The following CACNA1A variants were observed in gnomAD, a reference collection of about 807,000 sequenced individuals.
CACNA1A encodes calcium voltage-gated channel subunit alpha1 A.
Under a neutral mutation model 262.4 loss-of-function variants are expected in CACNA1A, and 57 were observed. That is an observed-to-expected ratio of 0.22 (90% CI 0.18 to 0.27). The LOEUF (loss-of-function observed/expected upper bound fraction) is 0.27, where lower values mean the gene tolerates loss of function less well. CACNA1A is among the 10% of genes least tolerant of loss of function. CACNA1A has a pLI of 1.00. For missense variants in CACNA1A, 2,526 were observed against 3,562.8 expected, an observed-to-expected ratio of 0.71 and a Z score of 7.41; for synonymous variants, 1,431 against 1,419.3, an observed-to-expected ratio of 1.01 and a Z score of -0.18.
chr19:13,421,308 C>T (rs1652405302), intron 3 of CACNA1A, among the ~76,000 whole-genome samples: 1 of 151,858 alleles, frequency 6.6e-6, no homozygotes, highest in South Asian at 2.1e-4. Context: ...GGCAGCATAC[C>T]TTTGCTACAT....
intron 3 of CACNA1A, among the ~76,000 whole-genome samples, chr19:13,382,691 T>C (rs773035993): frequency 6.6e-6 from 1 of 151,912 alleles, no homozygotes; most frequent in Non-Finnish European, 1.5e-5. Context: ...AGATTGGTGG[T>C]GATGGAGCAG....
Position 13,207,196 on chromosome 19 carries a change from C to G in CACNA1A, c.*117G>C. 4.4e-6 allele frequency: 5 copies of G among 1,147,098 alleles called. No homozygotes were observed. The highest frequency in any genetic ancestry group is 4.6e-6 in the Non-Finnish European group (4 of 864,718). 71.1% of individuals were successfully genotyped at this position (1,147,098 alleles called of 1,614,324 possible). A position where few individuals can be genotyped will look rare whatever the true frequency, so the allele number is the denominator to read the frequency against. On this transcript the variant is annotated 3_prime_UTR_variant, in exon 47 of 47. Transcript: ENST00000360228. The surrounding 1 kb of genome is among the most constrained non-coding windows in gnomAD (Gnocchi z 5.7). ...GGCCTCTCCAGAGTCTGGGGTCTCCCGGCTGGCCCTCTCCCGGGCCCTCTG... is the reference window on the plus strand; with the variant it reads ...GGCCTCTCCAGAGTCTGGGGTCTCCGGGCTGGCCCTCTCCCGGGCCCTCTG...
chr19:13,224,634 G>A lies in CACNA1A; in HGVS notation c.5731+33C>T, dbSNP rs1293216309. On this transcript the variant is annotated intron_variant, in intron 38 of 46. Transcript: ENST00000360228. The stretch of plus-strand genomic sequence containing the variant: ...GAGATCCCCGGTTCCACCCTGTCAC[G>A]CCTGTCTGTGCCCGCCCCTGTCCCT... 5.4e-6 allele frequency: 8 copies of A among 1,468,386 alleles called. 1 individual carries two copies. The highest frequency in any genetic ancestry group is 2.4e-5 in the South Asian group (2 of 83,344). 91.0% of individuals were successfully genotyped at this position (1,468,386 alleles called of 1,614,324 possible). A position where few individuals can be genotyped will look rare whatever the true frequency, so the allele number is the denominator to read the frequency against.
In CACNA1A at chr19:13,206,755, GTC is replaced by G. The variant is rs1443726105; in HGVS notation, c.*556_*557del. 6.5e-6 allele frequency: 1 copy of G among 154,144 alleles called. No homozygotes were observed. Among genetic ancestry groups the G allele is most frequent in the Non-Finnish European group, 1.5e-5 (1 of 68,208 alleles). The allele number at this position is 154,144 out of a possible 1,614,324, so 9.5% of individuals were successfully genotyped here. On this transcript the variant is annotated 3_prime_UTR_variant, in exon 47 of 47. Transcript: ENST00000360228. ...ATAACCGGCAAGCACTCTTGTGTGT[GTC>G]TGAGAACGTGTGTGGGTGTGAGTGT...
intron 1 of CACNA1A, among the ~76,000 whole-genome samples, chr19:13,498,559 C>T (rs1004229154): frequency 2.6e-5 from 4 of 152,108 alleles, no homozygotes; most frequent in Non-Finnish European, 5.9e-5. Flanking sequence ...GGAAGACTCA[C>T]GGCTGCTCCC....
chr19:13,345,355 C>G (rs2058745195), intron 6 of CACNA1A, among the ~76,000 whole-genome samples: 1 of 152,068 alleles, frequency 6.6e-6, no homozygotes, highest in Admixed American at 6.6e-5. Flanking sequence ...TGATTTTTTC[C>G]CACTTCACCC....
At chr19:13,323,672 C>G (rs2058300585) in intron 10 of CACNA1A, among the ~76,000 whole-genome samples, 1 of 152,094 alleles carries the variant, frequency 6.6e-6, no homozygotes, top group African/African-American at 2.4e-5. Context: ...GATATTAGCT[C>G]CTTATCAGAT....
chr19:13,442,574 T>G (rs2060743450), intron 3 of CACNA1A, among the ~76,000 whole-genome samples: 1 of 152,240 alleles, frequency 6.6e-6, no homozygotes, highest in South Asian at 2.1e-4. Flanking sequence ...TAAGTTTTTT[T>G]CCTTCAGTTC....
chr19:13,411,903 CAG>C (rs1011348002), intron 3 of CACNA1A, among the ~76,000 whole-genome samples: 12 of 151,946 alleles, frequency 7.9e-5, no homozygotes, highest in Non-Finnish European at 1.5e-4. Context: ...TTTGTAGAGA[CAG>C]GGGTCTCACT....
intron 4 of CACNA1A, among the ~76,000 whole-genome samples, chr19:13,367,460 G>A (rs1361788857): frequency 6.6e-5 from 10 of 152,084 alleles, no homozygotes; most frequent in African/African-American, 1.4e-4. Flanking sequence ...AGGTGTGGTG[G>A]CTCACGCCTG....
intron 3 of CACNA1A, among the ~76,000 whole-genome samples, chr19:13,444,654 A>C (rs2060778281): frequency 6.6e-6 from 1 of 152,150 alleles, no homozygotes; most frequent in Non-Finnish European, 1.5e-5. Context: ...CTAGTGGCAG[A>C]ACCTGAGGGG....
intron 3 of CACNA1A, among the ~76,000 whole-genome samples, chr19:13,374,484 A>G (rs1375519981): frequency 6.6e-6 from 1 of 152,148 alleles, no homozygotes; most frequent in Non-Finnish European, 1.5e-5. Context: ...TCCTGGCCTC[A>G]AGTGATCCTC....
At chr19:13,457,319 C>A (rs115131491) in intron 1 of CACNA1A, among the ~76,000 whole-genome samples, 391 of 152,168 alleles carry the variant, frequency 2.6e-3, no homozygotes, top group African/African-American at 9.0e-3. Context: ...AAAACCATTC[C>A]TTGGTTCCTC....
At chr19:13,229,938 A>G (rs2144621404) in intron 36 of CACNA1A, 144 bp downstream of exon 36, 6 of 898,566 alleles carry the variant, frequency 6.7e-6, no homozygotes, top group Non-Finnish European at 9.9e-6. Context: ...TGATTCTTAT[A>G]TCTTCTCTCC....
rs913405402 is a variant in CACNA1A at position 13,259,659 on chromosome 19, T to C, written c.4293A>G (p.Arg1431=). 19 of 1,611,084 alleles carry C rather than the reference T, an allele frequency of 1.2e-5. No homozygotes were observed. In the Middle Eastern group the frequency reaches 6.6e-4, roughly 56 times the overall value. The change falls in exon 27 of 47, where the codon CGA becomes CGG. Residue 1431 remains arginine (R), a synonymous_variant. Coordinates refer to ENST00000360228, the MANE Select transcript of CACNA1A (RefSeq NM_001127222.2). ...ATTCATACTTCTTCCACTCCCGGTC[T>C]CGCGCCTTCACCTCATTCTTCTCGT... ...LLYEKNEVKA[R]DREWKKYEFH...
chr19:13,303,761 G>A lies in CACNA1A; in HGVS notation c.2104+6C>T, dbSNP rs372970603. The A allele has an allele frequency of 1.7e-5, 28 of 1,601,840 alleles. No homozygotes were observed. The African/African-American group carries it at 2.9e-4, about 17-fold the overall frequency. On this transcript the variant is annotated splice_donor_region_variant and intron_variant, in intron 16 of 46. Transcript: ENST00000360228. ...CTGTCCCCTTCTCTCTCTCCATGAA[G>A]GATACAGTTCCCAAAGAGCGTCAGT...
intron 24 of CACNA1A, chr19:13,271,214 G>GTCTTTTTTT (rs2057008976): frequency 1.2e-5 from 1 of 80,438 alleles, no homozygotes; most frequent in African/African-American, 5.3e-5. Flanking sequence ...TCATTCTGCT[G>GTCTTTTTTT]TTTTTTTTTT....
In CACNA1A at chr19:13,262,689, C is replaced by T. The variant is rs771332216; in HGVS notation, c.4089+45G>A. 1.2e-5 allele frequency: 14 copies of T among 1,213,194 alleles called. No homozygotes were observed. In the African/African-American group the frequency reaches 1.5e-4, roughly 13 times the overall value. The allele number at this position is 1,213,194 out of a possible 1,614,324, so 75.2% of individuals were successfully genotyped here. Reference sequence around the variant, plus strand: ...CAACCTGCTCAGCTGTACATGATAACCCTGACAGTCCCCCCCACCGCACCC... The same window carrying T: ...CAACCTGCTCAGCTGTACATGATAATCCTGACAGTCCCCCCCACCGCACCC... On this transcript the variant is annotated intron_variant, in intron 25 of 46. Coordinates refer to ENST00000360228, the MANE Select transcript of CACNA1A (RefSeq NM_001127222.2).
At chr19:13,396,587 A>C (rs1342070151) in intron 3 of CACNA1A, among the ~76,000 whole-genome samples, 1 of 152,228 alleles carries the variant, frequency 6.6e-6, no homozygotes, top group African/African-American at 2.4e-5. Context: ...CATTTGGTTA[A>C]ATTTTAATGA....
Sources: gnomAD v4.1 joint callset for allele counts (sites outside exome capture counted in the v4.1 genomes callset) on GRCh38, gnomAD v4.1.1 for gene constraint, Gnocchi (gnomAD v3.1) non-coding constraint, MANE v1.5 for transcripts, NCBI Gene and HGNC (gene_info 2026-07-23, HGNC 2026-07-21) for gene names.